ANKRD44: variants seen among roughly 807,000 people sequenced by gnomAD.
ANKRD44 encodes the protein ankyrin repeat domain 44.
Under a neutral mutation model 116.0 loss-of-function variants are expected in ANKRD44, and 35 were observed. The observed-to-expected ratio is 0.30, with a 90% CI of 0.23 to 0.40. The LOEUF (loss-of-function observed/expected upper bound fraction) is 0.40. Among genes scored for constraint, ANKRD44 ranks in the 10% least tolerant of loss-of-function variants. The pLI, the probability that ANKRD44 is intolerant of heterozygous loss-of-function variation, is 1.00. For synonymous variants in ANKRD44, 435 were observed against 461.8 expected, an observed-to-expected ratio of 0.94 and a Z score of 0.74; for missense variants, 1,014 against 1,242.6, an observed-to-expected ratio of 0.82 and a Z score of 2.77.
chr2:197,123,779 G>A (rs1175653013), intron 6 of ANKRD44, among the ~76,000 whole-genome samples: 1 of 152,168 alleles, frequency 6.6e-6, no homozygotes, highest in Non-Finnish European at 1.5e-5. Context: ...GACTTTGTGT[G>A]TGTGTTGGGG....
At chr2:197,078,470 T>A in intron 16 of ANKRD44, 2 of 1,193,104 alleles carry the variant, frequency 1.7e-6, no homozygotes, top group Non-Finnish European at 2.2e-6. Context: ...CTACCATGCT[T>A]TTGTGCTGTG....
intron 17 of ANKRD44, 95 bp downstream of exon 17, chr2:197,025,101 T>C: frequency 1.6e-6 from 2 of 1,253,256 alleles, no homozygotes; most frequent in Non-Finnish European, 2.3e-6. Flanking sequence ...CACTCATCAC[T>C]GTGTTACTAC....
intron 16 of ANKRD44, among the ~76,000 whole-genome samples, chr2:197,068,409 T>TTA (rs370277119): frequency 3.0e-5 from 4 of 132,006 alleles, no homozygotes; most frequent in South Asian, 2.2e-4. Flanking sequence ...AAAAATAAAA[T>TTA]AAAAAAAAAT....
At chr2:197,020,020 TG>T (rs1420873133) in intron 17 of ANKRD44, among the ~76,000 whole-genome samples, 1 of 152,158 alleles carries the variant, frequency 6.6e-6, no homozygotes, top group Non-Finnish European at 1.5e-5. Context: ...TTCACCATGT[TG>T]GCCAGGCTGG....
intron 8 of ANKRD44, among the ~76,000 whole-genome samples, chr2:197,115,728 TC>T (rs1169283484): frequency 6.6e-6 from 1 of 152,128 alleles, no homozygotes; most frequent in Non-Finnish European, 1.5e-5. Flanking sequence ...ACTTTCAAAA[TC>T]CAAGGAGCAA....
In ANKRD44 at chr2:197,184,643, A is replaced by C. The variant is rs1310920599; in HGVS notation, c.111+2380T>G. ...CAGCTGAGCGAGACTCCATCTCAAA[A>C]AAAAAAAAAAAAAAAAAAATCCTTC... On this transcript the variant is annotated intron_variant, in intron 2 of 27. Transcript: ENST00000282272. Among the ~76,000 whole-genome samples the C allele has an allele frequency of 1.8e-3, 145 of 79,682 alleles. 1 individual carries two copies. The highest frequency in any genetic ancestry group is 9.7e-3 in the African/African-American group (142 of 14,594). 52.3% of individuals were successfully genotyped at this position (79,682 alleles called of 152,430 possible). A position where few individuals can be genotyped will look rare whatever the true frequency, so the allele number is the denominator to read the frequency against.
chr2:197,123,205 A>G (rs1453064784), intron 6 of ANKRD44, among the ~76,000 whole-genome samples: 6 of 82,672 alleles, frequency 7.3e-5, no homozygotes, highest in Non-Finnish European at 2.0e-4. Context: ...AAAACTGATA[A>G]AAGAAAAAAA....
chr2:197,118,637 G>GAAAGAAAGAA (rs1553512574), intron 8 of ANKRD44, among the ~76,000 whole-genome samples: 9,308 of 112,010 alleles, frequency 0.083, 404 homozygotes, highest in East Asian at 0.12. Context: ...GAGAGAGAGA[G>GAAAGAAAGAA]AGAAAGAAAG....
intron 10 of ANKRD44, 130 bp downstream of exon 10, chr2:197,099,686 T>A: frequency 7.6e-7 from 1 of 1,321,152 alleles, no homozygotes; most frequent in Non-Finnish European, 9.7e-7. Context: ...AAAATTTAAT[T>A]TGTATTTAGT....
chr2:197,289,132 C>T (rs2083488169), intron 1 of ANKRD44, among the ~76,000 whole-genome samples: 1 of 152,148 alleles, frequency 6.6e-6, no homozygotes, highest in Admixed American at 6.5e-5. Context: ...TTGGTCATTA[C>T]ACATCCTATG....
At chr2:197,063,781 C>G (rs568146169) in intron 16 of ANKRD44, among the ~76,000 whole-genome samples, 1 of 152,152 alleles carries the variant, frequency 6.6e-6, no homozygotes, top group African/African-American at 2.4e-5. Flanking sequence ...CGAACAAAGC[C>G]TCCAAGAAAT....
chr2:197,029,932 C>T, intron 16 of ANKRD44: 1 of 192,290 alleles, frequency 5.2e-6, no homozygotes. Context: ...AGTGGCATAT[C>T]ATTTTTGGGT....
At chr2:197,206,186 C>T (rs866095134) in intron 1 of ANKRD44, among the ~76,000 whole-genome samples, 30 of 152,202 alleles carry the variant, frequency 2.0e-4, no homozygotes, top group Admixed American at 6.5e-4. Flanking sequence ...AGTGGTGGCA[C>T]GACAGAAGAT....
intron 16 of ANKRD44, among the ~76,000 whole-genome samples, chr2:197,060,459 G>A (rs2077286750): frequency 6.6e-6 from 1 of 152,132 alleles, no homozygotes; most frequent in Non-Finnish European, 1.5e-5. Flanking sequence ...TGATATATGT[G>A]TACATTGTGA....
At chr2:197,029,461 G>A in intron 16 of ANKRD44, 1 of 398,208 alleles carries the variant, frequency 2.5e-6, no homozygotes, top group South Asian at 1.9e-5. Context: ...CTTATGCATG[G>A]GAAGATTTTC....
chr2:197,170,208 A>AAAAAAC (rs2080199015), intron 2 of ANKRD44, among the ~76,000 whole-genome samples: 2 of 146,444 alleles, frequency 1.4e-5, no homozygotes, highest in Admixed American at 1.3e-4. Flanking sequence ...AAAAAAAAAA[A>AAAAAAC]AAAAAACTGG....
intron 1 of ANKRD44, among the ~76,000 whole-genome samples, chr2:197,300,594 T>G (rs971925084): frequency 2.0e-5 from 3 of 152,152 alleles, no homozygotes; most frequent in African/African-American, 4.8e-5. Flanking sequence ...AACTAGACTG[T>G]GAGCTCCATG....
chr2:197,089,302 T>C (rs1243284745), intron 11 of ANKRD44, among the ~76,000 whole-genome samples: 1 of 152,184 alleles, frequency 6.6e-6, no homozygotes, highest in African/African-American at 2.4e-5. Flanking sequence ...CTCTGGGATA[T>C]CTCATGAATT....
At chr2:196,974,654 C>T (rs2125860636) in intron 21 of ANKRD44, among the ~76,000 whole-genome samples, 1 of 152,072 alleles carries the variant, frequency 6.6e-6, no homozygotes, top group South Asian at 2.1e-4. Flanking sequence ...CTTTGGTAGG[C>T]CAAGGCAGGC....
Sources: gnomAD v4.1 joint callset for allele counts (sites outside exome capture counted in the v4.1 genomes callset) on GRCh38, gnomAD v4.1.1 for gene constraint, MANE v1.5 for transcripts, NCBI Gene and HGNC (gene_info 2026-07-23, HGNC 2026-07-21) for gene names.